The following DYNC2H1 variants were observed in gnomAD, a reference collection of about 807,000 sequenced individuals.
DYNC2H1 encodes the protein dynein cytoplasmic 2 heavy chain 1, also known as cytoplasmic dynein 2 heavy chain 1.
DYNC2H1 carries 410 observed loss-of-function variants against 570.0 expected under a neutral mutation model. The ratio of observed to expected loss-of-function variants is 0.72; its 90% CI spans 0.66 to 0.78. DYNC2H1 has a LOEUF of 0.78. DYNC2H1 is among the 30% of genes least tolerant of loss of function. The pLI is 0.00. For missense variants in DYNC2H1, 4,865 were observed against 5,046.4 expected, an observed-to-expected ratio of 0.96 and a Z score of 1.09; for synonymous variants, 1,688 against 1,677.6, an observed-to-expected ratio of 1.01 and a Z score of -0.15.
chr11:103,291,153 T>G (rs1185003898), intron 75 of DYNC2H1, among the ~76,000 whole-genome samples: 1 of 152,176 alleles, frequency 6.6e-6, no homozygotes, highest in African/African-American at 2.4e-5. Flanking sequence ...ATTTGTAAAG[T>G]GCAGCTGGGC....
In DYNC2H1 at chr11:103,282,275, T is replaced by C. The variant is rs542192910; in HGVS notation, c.10812+46T>C. The C allele has an allele frequency of 1.9e-6, 3 of 1,578,722 alleles. No individual in the cohort carries two copies. In the East Asian group the frequency reaches 6.8e-5, roughly 36 times the overall value. On this transcript the variant is annotated intron_variant, in intron 72 of 88. Transcript: ENST00000375735. ...CTATTTTGCTCTTAAAGAAAATATT[T>C]CTGGCTTTTTGTTCATGAGGTATAA...
At position 103,282,216 on chromosome 11, in the gene DYNC2H1, T is replaced by A; in HGVS notation, c.10799T>A (p.Met3600Lys). 1 of 1,608,804 alleles carries A rather than the reference T, an allele frequency of 6.2e-7. No homozygotes were observed. The highest frequency in any genetic ancestry group is 1.1e-5 in the South Asian group (1 of 89,688). The change falls in exon 72 of 89, where the codon ATG becomes AAG. Residue 3600 changes from methionine (M) to lysine (K), a missense_variant. Around this residue, in one of 5 missense-constraint regions of DYNC2H1, gnomAD observed 2,401 missense variants for 2,454.6 expected, o/e 0.98. Coordinates refer to ENST00000375735, the MANE Select transcript of DYNC2H1 (RefSeq NM_001377.3). ...DTFTGVVVGDMLRKADSQQKI... is the reference protein window; with the variant it reads ...DTFTGVVVGDKLRKADSQQKI... ...TTTACAGGTGTGGTTGTTGGAGACA[T>A]GTTACGGAAAGCTGTAAGTTAAAAT...
chr11:103,390,090 A>G (rs1942072183), intron 83 of DYNC2H1, among the ~76,000 whole-genome samples: 1 of 152,178 alleles, frequency 6.6e-6, no homozygotes, highest in African/African-American at 2.4e-5. Flanking sequence ...TAATGTTGAC[A>G]GTGGGGTGTT....
At chr11:103,340,287 A>AT (rs375457698) in intron 82 of DYNC2H1, among the ~76,000 whole-genome samples, 27 of 151,504 alleles carry the variant, frequency 1.8e-4, no homozygotes, top group Middle Eastern at 3.4e-3. Flanking sequence ...ACAAACATGT[A>AT]TTTTTTTTTC....
At chr11:103,212,608 G>A (rs573124264) in intron 54 of DYNC2H1, among the ~76,000 whole-genome samples, 9 of 151,902 alleles carry the variant, frequency 5.9e-5, no homozygotes, top group East Asian at 3.9e-4. Context: ...TTTTCTTTCC[G>A]TATTTCTTTA....
At chr11:103,291,392 C>A (rs1449850860) in intron 75 of DYNC2H1, among the ~76,000 whole-genome samples, 2 of 152,012 alleles carry the variant, frequency 1.3e-5, no homozygotes, top group African/African-American at 4.8e-5. Context: ...GAGCTGAGAT[C>A]GTGTCACTGC....
intron 30 of DYNC2H1, among the ~76,000 whole-genome samples, chr11:103,165,181 G>A (rs1219940921): frequency 1.3e-5 from 2 of 152,178 alleles, no homozygotes; most frequent in Non-Finnish European, 2.9e-5. Flanking sequence ...CATGTGGAGT[G>A]CAGTGGTGCG....
rs1223374788 is a variant in DYNC2H1, at chr11:103,249,492, C to CAATT, written c.10043-3792_10043-3791insATTA. 6.6e-6 allele frequency among the ~76,000 whole-genome samples: 1 copy of CAATT among 151,952 alleles called. No individual in the cohort carries two copies. The highest frequency in any genetic ancestry group is 1.5e-5 in the Non-Finnish European group (1 of 67,930). On this transcript the variant is annotated intron_variant, in intron 65 of 88. Coordinates refer to ENST00000375735, the MANE Select transcript of DYNC2H1 (RefSeq NM_001377.3). The surrounding 1 kb of genome is among the most constrained non-coding windows in gnomAD (Gnocchi z 4.6). ...GAGCTTTATTAGCACTCCAGAAGCC[C>CAATT]ACTTACTTACTACACCTCTTCTCCA...
chr11:103,348,586 A>G (rs1444456420), intron 82 of DYNC2H1, among the ~76,000 whole-genome samples: 1 of 152,100 alleles, frequency 6.6e-6, no homozygotes, highest in African/African-American at 2.4e-5. Flanking sequence ...TTTCTCACTC[A>G]GTGTAATTAT....
chr11:103,149,973 A>T (rs1235182327), intron 20 of DYNC2H1, among the ~76,000 whole-genome samples: 1 of 152,222 alleles, frequency 6.6e-6, no homozygotes, highest in Non-Finnish European at 1.5e-5. Flanking sequence ...GGGACAGATC[A>T]TTCCAAAAAC....
Position 103,479,363 on chromosome 11 carries a change from ATATAGT to A in DYNC2H1, c.*114_*119del, listed in dbSNP as rs1945673022. ...TGAAATGTTAGTTCAAAATATTAACATATAGTTATGTTGTTGATGTCACTGAAATTT... is the reference window on the plus strand; with the variant it reads ...TGAAATGTTAGTTCAAAATATTAACATATGTTGTTGATGTCACTGAAATTT... On this transcript the variant is annotated 3_prime_UTR_variant, in exon 89 of 89. Coordinates refer to ENST00000375735, the MANE Select transcript of DYNC2H1 (RefSeq NM_001377.3). 1 of 1,288,320 alleles carries A rather than the reference ATATAGT, an allele frequency of 7.8e-7. No individual in the cohort carries two copies. Among genetic ancestry groups the A allele is most frequent in the Admixed American group, 3.0e-5 (1 of 33,812 alleles). 79.8% of individuals were successfully genotyped at this position (1,288,320 alleles called of 1,614,324 possible).
At chr11:103,477,463 A>G (rs1025312431) in intron 88 of DYNC2H1, among the ~76,000 whole-genome samples, 10 of 152,246 alleles carry the variant, frequency 6.6e-5, no homozygotes, top group African/African-American at 2.2e-4. Flanking sequence ...TGGAAATACA[A>G]TTATGAACTC....
intron 83 of DYNC2H1, among the ~76,000 whole-genome samples, chr11:103,396,131 C>T (rs1942387187): frequency 6.6e-6 from 1 of 152,092 alleles, no homozygotes; most frequent in Non-Finnish European, 1.5e-5. Flanking sequence ...GTTTTATAAG[C>T]TCTGGATAAA....
chr11:103,328,859 A>G lies in DYNC2H1; in HGVS notation c.12039+4869A>G, dbSNP rs76548823. 6.6e-3 allele frequency among the ~76,000 whole-genome samples: 999 copies of G among 152,296 alleles called. 12 individuals carry two copies. Among genetic ancestry groups the G allele is most frequent in the African/African-American group, 0.023 (941 of 41,554 alleles). ...GTTATAATTACCGTAGGGATGTTAC[A>G]TTAACCAAAATGTGAAAGTCAAAAG... On this transcript the variant is annotated intron_variant, in intron 82 of 88. Coordinates refer to ENST00000375735, the MANE Select transcript of DYNC2H1 (RefSeq NM_001377.3).
chr11:103,479,428 A>G lies in DYNC2H1; in HGVS notation c.*175A>G. 1 of 551,396 alleles carries G rather than the reference A, an allele frequency of 1.8e-6. No homozygotes were observed. The highest frequency in any genetic ancestry group is 3.3e-5 in the East Asian group (1 of 30,606). The allele number at this position is 551,396 out of a possible 1,614,324, so 34.2% of individuals were successfully genotyped here. A position where few individuals can be genotyped will look rare whatever the true frequency, so the allele number is the denominator to read the frequency against. On this transcript the variant is annotated 3_prime_UTR_variant, in exon 89 of 89. Transcript: ENST00000375735. Reference sequence around the variant, plus strand: ...AAAAGCAGCACTGTGCATCTTTTAAAGTAATAAATTAATGGAGTTATTGTT... The same window carrying G: ...AAAAGCAGCACTGTGCATCTTTTAAGGTAATAAATTAATGGAGTTATTGTT...
rs1864573602 is a variant in DYNC2H1 at position 103,245,346 on chromosome 11, A to G, written c.10014A>G (p.Pro3338=). The G allele has an allele frequency of 6.3e-7, 1 of 1,585,940 alleles. No individual in the cohort carries two copies. The highest frequency in any genetic ancestry group is 8.6e-7 in the Non-Finnish European group (1 of 1,165,186). ...ATGGTGTAGAACCTGTTCTTTATCC[A>G]TTATTGAGACGAGATCTGGTTGCTC... ...EMDGVEPVLY[P]LLRRDLVAQG... is the part of the protein sequence containing the mutation. The change falls in exon 65 of 89, where the codon CCA becomes CCG. Residue 3338 remains proline, a synonymous_variant. Coordinates refer to ENST00000375735, the MANE Select transcript of DYNC2H1 (RefSeq NM_001377.3). The surrounding 1 kb of genome is among the most constrained non-coding windows in gnomAD (Gnocchi z 4.5).
rs1401755300 is a variant in DYNC2H1 at position 103,145,001 on chromosome 11, C to T, written c.2702+1606C>T. On this transcript the variant is annotated intron_variant, in intron 18 of 88. Coordinates refer to ENST00000375735, the MANE Select transcript of DYNC2H1 (RefSeq NM_001377.3). The surrounding 1 kb of genome is among the most constrained non-coding windows in gnomAD (Gnocchi z 4.2). ...GTTTAAGTGATTCCCCTGCCTCAGC[C>T]TCCTGAGTAGCTGGGACTACAGGCA... Among the ~76,000 whole-genome samples, 1 of 152,104 alleles carries T rather than the reference C, an allele frequency of 6.6e-6. No individual in the cohort carries two copies. Among genetic ancestry groups the T allele is most frequent in the Non-Finnish European group, 1.5e-5 (1 of 68,024 alleles).
Position 103,219,883 on chromosome 11 carries a change from T to C in DYNC2H1, c.8833-32T>C, listed in dbSNP as rs1186575002. 4.8e-6 allele frequency: 6 copies of C among 1,250,300 alleles called. No homozygotes were observed. The Admixed American group carries it at 8.3e-5, about 17-fold the overall frequency. The allele number at this position is 1,250,300 out of a possible 1,614,324, so 77.5% of individuals were successfully genotyped here. A position where few individuals can be genotyped will look rare whatever the true frequency, so the allele number is the denominator to read the frequency against. ...TGCTTTTAAATATCAAGCATTAAAA[T>C]TGATTGGAATGCCACTTAAATATTC... On this transcript the variant is annotated intron_variant, in intron 55 of 88. Coordinates refer to ENST00000375735, the MANE Select transcript of DYNC2H1 (RefSeq NM_001377.3).
chr11:103,470,407 T>C (rs1360218018), intron 88 of DYNC2H1, among the ~76,000 whole-genome samples: 5 of 150,706 alleles, frequency 3.3e-5, no homozygotes, highest in African/African-American at 1.2e-4. Context: ...AAAGGTAATA[T>C]GAACTTTTTA....
Sources: gnomAD v4.1 joint callset for allele counts (sites outside exome capture counted in the v4.1 genomes callset) on GRCh38, gnomAD v4.1.1 for gene constraint, gnomAD v4.1.1 regional missense constraint, Gnocchi (gnomAD v3.1) non-coding constraint, MANE v1.5 for transcripts, NCBI Gene and HGNC (gene_info 2026-07-23, HGNC 2026-07-21) for gene names.